The following YIPF1 variants were observed in gnomAD, a reference collection of about 807,000 sequenced individuals.
YIPF1 encodes the protein Yip1 domain family member 1.
In YIPF1, 22 loss-of-function variants were observed where a neutral mutation model predicts 37.0. The observed-to-expected ratio is 0.59, with a 90% CI of 0.42 to 0.85. The LOEUF (loss-of-function observed/expected upper bound fraction) is 0.85. Ranked by LOEUF, YIPF1 falls within the 40% of genes least tolerant of loss-of-function variation. The pLI is 0.00. For missense variants in YIPF1, 355 were observed against 373.1 expected (o/e 0.95, Z 0.40); for synonymous variants, 128 against 131.9 (o/e 0.97, Z 0.21).
chr1:53,874,054 T>A (rs11206231), intron 6 of YIPF1, among the ~76,000 whole-genome samples: 69,252 of 151,952 alleles, frequency 0.46, 17,187 homozygotes, highest in African/African-American at 0.66. Context: ...ACAAGCAAGA[T>A]AACTTTCCCA....
intron 10 of YIPF1, among the ~76,000 whole-genome samples, chr1:53,857,854 A>C (rs900341343): frequency 6.6e-6 from 1 of 151,850 alleles, no homozygotes; most frequent in Non-Finnish European, 1.5e-5. Context: ...GGTGACGGGC[A>C]CCTGTAATCT....
chr1:53,854,770 C>T (rs1281884964), intron 10 of YIPF1, among the ~76,000 whole-genome samples: 1 of 152,126 alleles, frequency 6.6e-6, no homozygotes. Context: ...TCCCAAGTAA[C>T]CTGCCACATA....
chr1:53,874,733 C>T (rs1277266802), intron 6 of YIPF1, among the ~76,000 whole-genome samples: 1 of 152,166 alleles, frequency 6.6e-6, no homozygotes, highest in Non-Finnish European at 1.5e-5. Context: ...CGCCTTTGCA[C>T]TCCAGCCTGG....
intron 8 of YIPF1, 136 bp from the exon 9 acceptor site, chr1:53,866,518 G>T: frequency 9.7e-7 from 1 of 1,026,618 alleles, no homozygotes; most frequent in Non-Finnish European, 1.4e-6. Flanking sequence ...GTACAGGCTG[G>T]AGGAACACCA....
intron 7 of YIPF1, among the ~76,000 whole-genome samples, chr1:53,868,390 C>T (rs899510776): frequency 1.3e-5 from 2 of 152,180 alleles, no homozygotes; most frequent in African/African-American, 2.4e-5. Context: ...CTTAACCTTC[C>T]TGTCTCAGTT....
At chr1:53,865,383 A>G (rs1041153253) in intron 9 of YIPF1, among the ~76,000 whole-genome samples, 16 of 152,186 alleles carry the variant, frequency 1.1e-4, no homozygotes, top group African/African-American at 3.6e-4. Flanking sequence ...AAAAATATGT[A>G]AGTTAAAAAC....
At chr1:53,869,117 G>A (rs1280092520) in intron 7 of YIPF1, among the ~76,000 whole-genome samples, 1 of 149,718 alleles carries the variant, frequency 6.7e-6, no homozygotes, top group Admixed American at 6.7e-5. Flanking sequence ...AAGAAGGAAG[G>A]ATACATGGAT....
At chr1:53,861,437 TAC>T (rs1314405375) in intron 9 of YIPF1, among the ~76,000 whole-genome samples, 2 of 152,154 alleles carry the variant, frequency 1.3e-5, no homozygotes, top group African/African-American at 4.8e-5. Context: ...GCCCAGCTTC[TAC>T]ACCTGGCTCT....
At chr1:53,880,543 G>A (rs898605766) in intron 4 of YIPF1, among the ~76,000 whole-genome samples, 1 of 152,008 alleles carries the variant, frequency 6.6e-6, no homozygotes, top group African/African-American at 2.4e-5. Context: ...CATTCTTCAC[G>A]GAATTAGAAA....
Position 53,888,948 on chromosome 1 carries a change from A to G in YIPF1, c.-11T>C, listed in dbSNP as rs768302328. 34 of 1,597,590 alleles carry G rather than the reference A, an allele frequency of 2.1e-5. 1 individual carries two copies. The South Asian group carries it at 3.1e-4, about 15-fold the overall frequency. On this transcript the variant is annotated 5_prime_UTR_variant, in exon 3 of 11. Coordinates refer to ENST00000072644, the MANE Select transcript of YIPF1 (RefSeq NM_018982.5). The stretch of plus-strand genomic sequence containing the variant: ...ATCTACTGCTGCCATTCGGCCAGTG[A>G]GTCTTCTCCCAATTATGAGGAAGAA...
intron 10 of YIPF1, among the ~76,000 whole-genome samples, chr1:53,853,445 G>A (rs1649644990): frequency 6.6e-6 from 1 of 152,158 alleles, no homozygotes; most frequent in Non-Finnish European, 1.5e-5. Context: ...CCTACCTGGG[G>A]ATTTGCAAGA....
At chr1:53,874,296 C>T (rs917989105) in intron 6 of YIPF1, among the ~76,000 whole-genome samples, 1 of 152,162 alleles carries the variant, frequency 6.6e-6, no homozygotes, top group Non-Finnish European at 1.5e-5. Context: ...CTGCCTTCTC[C>T]GTTTCCTGCC....
intron 10 of YIPF1, among the ~76,000 whole-genome samples, chr1:53,854,632 A>C (rs1649676131): frequency 6.6e-6 from 1 of 152,218 alleles, no homozygotes; most frequent in Non-Finnish European, 1.5e-5. Context: ...TCTTTAATGT[A>C]AAAGGGCCTT....
At chr1:53,879,618 T>A (rs1455605836) in intron 4 of YIPF1, among the ~76,000 whole-genome samples, 1 of 152,224 alleles carries the variant, frequency 6.6e-6, no homozygotes, top group African/African-American at 2.4e-5. Context: ...GAATTGTGCC[T>A]GTCATCTTCA....
chr1:53,883,707 T>C (rs773096670), intron 3 of YIPF1, among the ~76,000 whole-genome samples: 5 of 152,202 alleles, frequency 3.3e-5, no homozygotes, highest in Admixed American at 6.6e-5. Flanking sequence ...TTCCAGTAAG[T>C]CTACATAATC....
chr1:53,864,845 A>G (rs1019815897), intron 9 of YIPF1, among the ~76,000 whole-genome samples: 2 of 152,234 alleles, frequency 1.3e-5, no homozygotes, highest in Non-Finnish European at 2.9e-5. Context: ...CATTTACAGG[A>G]CAAGTTCCAT....
At chr1:53,860,558 T>C (rs1028800524) in intron 9 of YIPF1, among the ~76,000 whole-genome samples, 5 of 152,298 alleles carry the variant, frequency 3.3e-5, no homozygotes, top group South Asian at 2.1e-4. Context: ...ATCACAACAT[T>C]ATACAGTCTT....
intron 10 of YIPF1, among the ~76,000 whole-genome samples, chr1:53,855,410 T>C (rs891684705): frequency 1.2e-4 from 19 of 152,028 alleles, no homozygotes; most frequent in African/African-American, 4.6e-4. Flanking sequence ...TGCCCTCATG[T>C]GAAAAGTTAA....
At chr1:53,855,457 T>C (rs1569592670) in intron 10 of YIPF1, among the ~76,000 whole-genome samples, 1 of 152,176 alleles carries the variant, frequency 6.6e-6, no homozygotes, top group Admixed American at 6.5e-5. Context: ...ATTCTTTATA[T>C]TATTTCAATA....
Sources: gnomAD v4.1 joint callset for allele counts (sites outside exome capture counted in the v4.1 genomes callset) on GRCh38, gnomAD v4.1.1 for gene constraint, MANE v1.5 for transcripts, NCBI Gene and HGNC (gene_info 2026-07-23, HGNC 2026-07-21) for gene names.